The following PLXNB1 variants were observed in gnomAD, a reference collection of about 807,000 sequenced individuals.
PLXNB1 encodes the protein plexin B1, also known as plexin-B1.
A neutral mutation model predicts 209.4 loss-of-function variants in PLXNB1; 106 were observed. That is an observed-to-expected ratio of 0.51 (90% CI 0.43 to 0.59). PLXNB1 has a LOEUF of 0.59. Ranked by LOEUF, PLXNB1 falls within the 20% of genes least tolerant of loss-of-function variation. The pLI is 0.00. For missense variants in PLXNB1, 2,357 were observed against 2,853.2 expected, an observed-to-expected ratio of 0.83 and a Z score of 3.96; for synonymous variants, 1,167 against 1,183.2, an observed-to-expected ratio of 0.99 and a Z score of 0.28.
chr3:48,414,846 G>T lies in PLXNB1; in HGVS notation c.4162C>A (p.Pro1388Thr). The change falls in exon 21 of 38, where the codon CCC becomes ACC. Residue 1388 changes from proline (P) to threonine (T), a missense_variant. Coordinates refer to ENST00000296440, the MANE Select transcript of PLXNB1 (RefSeq NM_001130082.3). ...GGCTTGTGCCGGAATGGCATGGTGG[G>T]GTCCTCAGGGTTGAGTGGCTGCAGG... ...PTLQPLNPED[P>T]TMPFRHKPGS... 6.2e-7 allele frequency: 1 copy of T among 1,614,098 alleles called. No individual in the cohort carries two copies.
intron 26 of PLXNB1, 42 bp from the exon 27 acceptor site, chr3:48,412,346 G>A: frequency 6.2e-7 from 1 of 1,612,446 alleles, no homozygotes; most frequent in Non-Finnish European, 8.5e-7. Context: ...CAGCAGGTGG[G>A]GCTGCGGGCC....
rs959559043 is a variant in PLXNB1, at chr3:48,410,806, G to A, written c.5416+62C>T. 2.7e-6 allele frequency: 4 copies of A among 1,490,286 alleles called. No homozygotes were observed. The highest frequency in any genetic ancestry group is 3.7e-6 in the Non-Finnish European group (4 of 1,094,508). 92.3% of individuals were successfully genotyped at this position (1,490,286 alleles called of 1,614,324 possible). ...AGTGATGAGTTGTCCCTGCAGAGTT[G>A]GTCCGGGGCCAGCCCAGGCCCAACA... On this transcript the variant is annotated intron_variant, in intron 29 of 37. Coordinates refer to ENST00000296440, the MANE Select transcript of PLXNB1 (RefSeq NM_001130082.3). This position sits in a 1 kb window ranked among gnomAD's most constrained non-coding sequence, Gnocchi z 6.4.
In PLXNB1 at chr3:48,409,521, G is replaced by A; in HGVS notation, c.5940-45C>T. On this transcript the variant is annotated intron_variant, in intron 33 of 37. Coordinates refer to ENST00000296440, the MANE Select transcript of PLXNB1 (RefSeq NM_001130082.3). The surrounding 1 kb of genome is among the most constrained non-coding windows in gnomAD (Gnocchi z 5.8). ...GGCCGATGAATGTGCTGGGGAGGCA[G>A]AAGAGAAGACCCCCCACACACACCT... 4.3e-6 allele frequency: 7 copies of A among 1,613,948 alleles called. No homozygotes were observed. Among genetic ancestry groups the A allele is most frequent in the Non-Finnish European group, 5.9e-6 (7 of 1,179,900 alleles).
rs200999356 is a variant in PLXNB1, at chr3:48,410,518, G to A, written c.5457C>T (p.Asp1819=). The change falls in exon 30 of 38, where the codon GAC becomes GAT. Residue 1819 remains aspartate (D), a synonymous_variant. Coordinates refer to ENST00000296440, the MANE Select transcript of PLXNB1 (RefSeq NM_001130082.3). The surrounding 1 kb of genome is among the most constrained non-coding windows in gnomAD (Gnocchi z 6.4). ...CCTGGACCTCAGAAGTGACATCCTCGTCAGAAAGAATGAGGTGCCCGGCCA... is the reference window on the plus strand; with the variant it reads ...CCTGGACCTCAGAAGTGACATCCTCATCAGAAAGAATGAGGTGCCCGGCCA... The part of the protein sequence containing the change: ...SGVAGHLILS[D]EDVTSEVQGL... The A allele has an allele frequency of 3.5e-5, 57 of 1,613,850 alleles. No homozygotes were observed. In the African/African-American group the frequency reaches 5.7e-4, roughly 16 times the overall value.
chr3:48,419,516 T>C lies in PLXNB1; in HGVS notation c.2709+61A>G. The C allele has an allele frequency of 6.5e-7, 1 of 1,528,126 alleles. No individual in the cohort carries two copies. The highest frequency in any genetic ancestry group is 1.2e-5 in the South Asian group (1 of 81,274). 94.7% of individuals were successfully genotyped at this position (1,528,126 alleles called of 1,614,324 possible). A position where few individuals can be genotyped will look rare whatever the true frequency, so the allele number is the denominator to read the frequency against. On this transcript the variant is annotated intron_variant, in intron 11 of 37. Coordinates refer to ENST00000296440, the MANE Select transcript of PLXNB1 (RefSeq NM_001130082.3). This position sits in a 1 kb window ranked among gnomAD's most constrained non-coding sequence, Gnocchi z 5.7. ...CCCAGTGCAGAATCACAAGGCAAGC[T>C]AGGGGTAGCATCTTCCCCACATCCC...
At chr3:48,427,742 C>T (rs1469102738) in intron 1 of PLXNB1, among the ~76,000 whole-genome samples, 3 of 152,194 alleles carry the variant, frequency 2.0e-5, no homozygotes, top group Admixed American at 2.0e-4. Context: ...CACTCCCTCG[C>T]TATCCCATTA....
chr3:48,406,973 C>G lies in PLXNB1; in HGVS notation c.6152+54G>C, dbSNP rs192546829. The G allele has an allele frequency of 4.6e-4, 745 of 1,609,880 alleles. 4 individuals carry two copies. In the African/African-American group the frequency reaches 8.7e-3, roughly 19 times the overall value. On this transcript the variant is annotated intron_variant, in intron 35 of 37. Transcript: ENST00000296440. This position sits in a 1 kb window ranked among gnomAD's most constrained non-coding sequence, Gnocchi z 4.4. ...CCTGCTCCCAACCAGAGCCCACCCC[C>G]CAAGCCTCAGCTGCACACGCCCTCC...
chr3:48,422,036 T>G (rs2038563075), intron 6 of PLXNB1, 69 bp downstream of exon 6: 1 of 1,442,420 alleles, frequency 6.9e-7, no homozygotes, highest in East Asian at 2.3e-5. Flanking sequence ...TCAGGAATTC[T>G]GGACAGGACA....
At position 48,419,356 on chromosome 3, in the gene PLXNB1, G is replaced by C; in HGVS notation, c.2720C>G (p.Thr907Ser). The stretch of plus-strand genomic sequence containing the variant: ...ACAGGGGCAGGAGCTTGCCCCCAAG[G>C]TCGCCTCTTCCTGCAGGCACCAAGG... ...TPGLWELEEA[T>S]LGASSCPCVE... Residue 907 changes from threonine to serine, a missense_variant, in exon 12 of 38, where the codon ACC becomes AGC. Thr to Ser is a moderately conservative substitution (Grantham distance 58, BLOSUM62 1). Around this residue, in one of 7 missense-constraint regions of PLXNB1, gnomAD observed 410 missense variants for 401.0 expected, o/e 1.02. Coordinates refer to ENST00000296440, the MANE Select transcript of PLXNB1 (RefSeq NM_001130082.3). This position sits in a 1 kb window ranked among gnomAD's most constrained non-coding sequence, Gnocchi z 5.7. 1 of 1,564,778 alleles carries C rather than the reference G, an allele frequency of 6.4e-7. No individual in the cohort carries two copies. Among genetic ancestry groups the C allele is most frequent in the Non-Finnish European group, 8.7e-7 (1 of 1,151,968 alleles).
In PLXNB1 at chr3:48,420,939, C is replaced by T. The variant is rs377145799; in HGVS notation, c.1828G>A (p.Val610Met). 48 of 1,613,422 alleles carry T rather than the reference C, an allele frequency of 3.0e-5. No homozygotes were observed. The highest frequency in any genetic ancestry group is 5.3e-5 in the African/African-American group (4 of 74,906). The part of the protein sequence containing the change: ...PRGADYVSVS[V>M]ELRFGAVVIA... ...ACAACAGCGCCAAATCTGAGCTCCACGCTCACGGATACGTAGTCTGCAGAG... is the reference window on the plus strand; with the variant it reads ...ACAACAGCGCCAAATCTGAGCTCCATGCTCACGGATACGTAGTCTGCAGAG... Residue 610 changes from valine to methionine, a missense_variant, in exon 9 of 38, where the codon GTG becomes ATG. Physicochemically the swap from Val to Met is conservative, Grantham distance 21. Transcript: ENST00000296440.
At chr3:48,422,235 CA>C in intron 5 of PLXNB1, 30 bp from the exon 6 acceptor site, 1 of 1,611,794 alleles carries the variant, frequency 6.2e-7, no homozygotes, top group South Asian at 1.1e-5. Flanking sequence ...CTGAGGCCAG[CA>C]ATCCAAACAC....
Position 48,418,995 on chromosome 3 carries a change from G to A in PLXNB1, c.2877C>T (p.Leu959=), listed in dbSNP as rs369402469. 3.1e-6 allele frequency: 5 copies of A among 1,613,992 alleles called. No individual in the cohort carries two copies. The highest frequency in any genetic ancestry group is 1.1e-5 in the South Asian group (1 of 91,078). The change falls in exon 13 of 38, where the codon CTC becomes CTT. Residue 959 remains leucine (L), a synonymous_variant. Transcript: ENST00000296440. The surrounding 1 kb of genome is among the most constrained non-coding windows in gnomAD (Gnocchi z 6.6). ...CGACCCGGGCCTCAACCACCACCTC[G>A]AGGCCCTCCAGCTCCATCACACACT... ...DNECVMELEG[L]EVVVEARVEC...
In PLXNB1 at chr3:48,419,568, G is replaced by A. The variant is rs772056903; in HGVS notation, c.2709+9C>T. Reference sequence around the variant, plus strand: ...TCCCCTGAGGCCTCCTTCCTGGGCTGGGCCTCACCAGCTCCCAGAGCCCGG... The same window carrying A: ...TCCCCTGAGGCCTCCTTCCTGGGCTAGGCCTCACCAGCTCCCAGAGCCCGG... On this transcript the variant is annotated intron_variant, in intron 11 of 37. Coordinates refer to ENST00000296440, the MANE Select transcript of PLXNB1 (RefSeq NM_001130082.3). This position sits in a 1 kb window ranked among gnomAD's most constrained non-coding sequence, Gnocchi z 5.7. 2 of 1,600,134 alleles carry A rather than the reference G, an allele frequency of 1.2e-6. No homozygotes were observed. The highest frequency in any genetic ancestry group is 1.7e-5 in the Admixed American group (1 of 59,718).
chr3:48,406,526 T>G lies in PLXNB1; in HGVS notation c.6228+297A>C, dbSNP rs115754436. 1 of 975,924 alleles carries G rather than the reference T, an allele frequency of 1.0e-6. No homozygotes were observed. Among genetic ancestry groups the G allele is most frequent in the African/African-American group, 1.8e-5 (1 of 57,030 alleles). 60.5% of individuals were successfully genotyped at this position (975,924 alleles called of 1,614,324 possible). A position where few individuals can be genotyped will look rare whatever the true frequency, so the allele number is the denominator to read the frequency against. ...GGAAGCACAGCAGTGGGAAGACGCA[T>G]GCAGGCAGACCCAGGCAGGCCTGGG... On this transcript the variant is annotated intron_variant, in intron 36 of 37. Transcript: ENST00000296440. The surrounding 1 kb of genome is among the most constrained non-coding windows in gnomAD (Gnocchi z 4.4).
Position 48,419,037 on chromosome 3 carries a change from A to G in PLXNB1, c.2835T>C (p.Asp945=). Residue 945 remains aspartate, a splice_region_variant and synonymous_variant, in exon 13 of 38, where the codon GAT becomes GAC. Coordinates refer to ENST00000296440, the MANE Select transcript of PLXNB1 (RefSeq NM_001130082.3). This position sits in a 1 kb window ranked among gnomAD's most constrained non-coding sequence, Gnocchi z 5.7. ...LLGRNLHLFQ[D]GPGDNECVME... ...TCACACACTCATTGTCTCCTGGGCC[A>G]TCCTGAGGGCAGAGAACACAGCTGT... The G allele has an allele frequency of 6.2e-7, 1 of 1,614,026 alleles. No individual in the cohort carries two copies. Among genetic ancestry groups the G allele is most frequent in the Middle Eastern group, 1.6e-4 (1 of 6,062 alleles).
chr3:48,412,406 G>A, intron 26 of PLXNB1, 36 bp downstream of exon 26: 1 of 1,611,838 alleles, frequency 6.2e-7, no homozygotes. Flanking sequence ...AGCTCCAGCT[G>A]TCCAGGGCCC....
intron 27 of PLXNB1, 25 bp from the exon 28 acceptor site, chr3:48,412,034 C>T (rs2037716002): frequency 3.1e-6 from 5 of 1,612,264 alleles, no homozygotes; most frequent in East Asian, 2.2e-5. Flanking sequence ...GCAGTTAGGG[C>T]CCCCCAGCAG....
chr3:48,418,986 C>T lies in PLXNB1; in HGVS notation c.2886G>A (p.Val962=), dbSNP rs1190299402. 8.7e-6 allele frequency: 14 copies of T among 1,614,054 alleles called. No individual in the cohort carries two copies. Among genetic ancestry groups the T allele is most frequent in the Non-Finnish European group, 1.2e-5 (14 of 1,179,966 alleles). Residue 962 remains valine (V), a synonymous_variant, in exon 13 of 38, where the codon GTG becomes GTA. Coordinates refer to ENST00000296440, the MANE Select transcript of PLXNB1 (RefSeq NM_001130082.3). This position sits in a 1 kb window ranked among gnomAD's most constrained non-coding sequence, Gnocchi z 6.6. ...CVMELEGLEV[V]VEARVECEPP... ...GCTCACACTCGACCCGGGCCTCAAC[C>T]ACCACCTCGAGGCCCTCCAGCTCCA... is the stretch of plus-strand genomic sequence containing the variant.
rs188697214 is a variant in PLXNB1, at chr3:48,423,704, G to T, written c.908C>A (p.Pro303His). Reference protein sequence around the residue: ...LFAAFSSAAPPTVGRPPSAAA... With the variant: ...LFAAFSSAAPHTVGRPPSAAA... ...CGCCGATGGGGGCCGGCCCACAGTGGGGGGTGCAGCCGAGGAGAAAGCTGC... is the reference window on the plus strand; with the variant it reads ...CGCCGATGGGGGCCGGCCCACAGTGTGGGGTGCAGCCGAGGAGAAAGCTGC... Residue 303 changes from proline (P) to histidine (H), a missense_variant, in exon 3 of 38, where the codon CCC becomes CAC. Coordinates refer to ENST00000296440, the MANE Select transcript of PLXNB1 (RefSeq NM_001130082.3). 8 of 1,613,664 alleles carry T rather than the reference G, an allele frequency of 5.0e-6. No homozygotes were observed. The African/African-American group carries it at 1.1e-4, about 22-fold the overall frequency.
Sources: gnomAD v4.1 joint callset for allele counts (sites outside exome capture counted in the v4.1 genomes callset) on GRCh38, gnomAD v4.1.1 for gene constraint, gnomAD v4.1.1 regional missense constraint, Gnocchi (gnomAD v3.1) non-coding constraint, MANE v1.5 for transcripts, NCBI Gene and HGNC (gene_info 2026-07-23, HGNC 2026-07-21) for gene names.